The following DIMT1 variants were observed in gnomAD, a reference collection of about 807,000 sequenced individuals.
DIMT1 encodes dimethyladenosine transferase.
DIMT1 carries 36 observed loss-of-function variants against 43.2 expected under a neutral mutation model. The observed-to-expected ratio is 0.83, with a 90% CI of 0.64 to 1.10. DIMT1 has a LOEUF of 1.10. DIMT1 is among the 50% of genes least tolerant of loss of function. The pLI is 0.00. For synonymous variants in DIMT1, 126 were observed against 130.3 expected, an observed-to-expected ratio of 0.97 and a Z score of 0.22; for missense variants, 341 against 385.3, an observed-to-expected ratio of 0.88 and a Z score of 0.96.
chr5:62,390,045 C>T (rs1045424508), intron 11 of DIMT1, among the ~76,000 whole-genome samples: 1 of 152,102 alleles, frequency 6.6e-6, no homozygotes, highest in Non-Finnish European at 1.5e-5. Context: ...ATATAAACTC[C>T]ATTTGTCTTA....
intron 10 of DIMT1, chr5:62,391,431 G>T: frequency 6.3e-6 from 1 of 159,452 alleles, no homozygotes; most frequent in Admixed American, 6.3e-5. Flanking sequence ...TTATCCAAAA[G>T]GATTTTACAC....
In DIMT1 at chr5:62,390,898, T is replaced by C. The variant is rs1019898184; in HGVS notation, c.877A>G (p.Met293Val). The C allele has an allele frequency of 1.9e-6, 3 of 1,612,038 alleles. No individual in the cohort carries two copies. Among genetic ancestry groups the C allele is most frequent in the African/African-American group, 1.3e-5 (1 of 74,980 alleles). The change falls in exon 11 of 12, where the codon ATG becomes GTG. Residue 293 changes from methionine (M) to valine (V), a missense_variant. Transcript: ENST00000199320. ...TACCTGATGAAGTCATCTATGTCCA[T>C]GGAACGGGCCCGTTTGTCACTAAAA... ...TGFSDKRARS[M>V]DIDDFIRLLH... is the part of the protein sequence containing the mutation.
chr5:62,390,259 C>G (rs961485781), intron 11 of DIMT1, among the ~76,000 whole-genome samples: 1 of 152,092 alleles, frequency 6.6e-6, no homozygotes, highest in African/African-American at 2.4e-5. Flanking sequence ...TTAATTGAAG[C>G]CTTATTCTGT....
In DIMT1 at chr5:62,390,939, A is replaced by C. The variant is rs2112033819; in HGVS notation, c.836T>G (p.Ile279Ser). 2.5e-6 allele frequency: 4 copies of C among 1,612,642 alleles called. No homozygotes were observed. The East Asian group carries it at 8.9e-5, about 36-fold the overall frequency. ...GTCACTAAAACCTGTGCTGGTTAGGATTTGCTGTATTTTATCTGCTATGCT... is the reference window on the plus strand; with the variant it reads ...GTCACTAAAACCTGTGCTGGTTAGGCTTTGCTGTATTTTATCTGCTATGCT... ...DFSIADKIQQ[I>S]LTSTGFSDKR... The change falls in exon 11 of 12, where the codon ATC (isoleucine) becomes AGC (serine). Residue 279 changes from isoleucine to serine, a missense_variant. Transcript: ENST00000199320.
At chr5:62,396,096 C>CA (rs1231226399) in intron 6 of DIMT1, among the ~76,000 whole-genome samples, 1 of 137,604 alleles carries the variant, frequency 7.3e-6, no homozygotes. Context: ...TAGTCTATAT[C>CA]AAAAAAACTG....
intron 3 of DIMT1, 65 bp from the exon 4 acceptor site, chr5:62,398,946 C>T (rs1561292746): frequency 3.3e-6 from 4 of 1,217,972 alleles, no homozygotes; most frequent in Non-Finnish European, 3.5e-6. Context: ...ATTGTTATCC[C>T]AACAGGAACT....
chr5:62,403,203 TGC>T (rs1742771137), intron 2 of DIMT1, 68 bp downstream of exon 2: 1 of 1,377,558 alleles, frequency 7.3e-7, no homozygotes, highest in African/African-American at 1.4e-5. Flanking sequence ...GCAGACTTTC[TGC>T]GCTTATGTAT....
At position 62,403,699 on chromosome 5, in the gene DIMT1, G is replaced by A. The variant is rs1475456026; in HGVS notation, c.74C>T (p.Ala25Val). ...RQEQRRELKS[A>V]GGLMFNTGIG... is the part of the protein sequence containing the mutation. ...TTCCTCGCGGGGATCCGCACCTCCA[G>A]CGCTCTTCAGCTCCCGGCGCTGCTC... The change falls in exon 1 of 12, where the codon GCT becomes GTT. Residue 25 changes from alanine (A) to valine (V), a missense_variant. By Grantham distance (64) the Ala-to-Val change is moderately conservative. Transcript: ENST00000199320. 6.2e-7 allele frequency: 1 copy of A among 1,608,288 alleles called. No individual in the cohort carries two copies. Among genetic ancestry groups the A allele is most frequent in the Non-Finnish European group, 8.5e-7 (1 of 1,178,230 alleles).
chr5:62,399,172 A>C (rs1267659880), intron 3 of DIMT1, among the ~76,000 whole-genome samples: 1 of 152,166 alleles, frequency 6.6e-6, no homozygotes, highest in Non-Finnish European at 1.5e-5. Flanking sequence ...TCTACTAAAA[A>C]TACAAAATAT....
intron 2 of DIMT1, among the ~76,000 whole-genome samples, 199 bp from the exon 3 acceptor site, chr5:62,402,321 T>G (rs1742736885): frequency 6.6e-6 from 1 of 152,238 alleles, no homozygotes; most frequent in Admixed American, 6.5e-5. Flanking sequence ...AGACCTCTCC[T>G]AACTTGGAGG....
chr5:62,398,892 AAAAAT>A lies in DIMT1; in HGVS notation c.241-16_241-12del. 1 of 1,587,116 alleles carries A rather than the reference AAAAAT, an allele frequency of 6.3e-7. No homozygotes were observed. The highest frequency in any genetic ancestry group is 8.6e-7 in the Non-Finnish European group (1 of 1,164,726). ...TTCACAAGCAACAACCTAATTTAAA[AAAAAT>A]AAAAATTATTTAGGTTAATTATGGA... On this transcript the variant is annotated splice_polypyrimidine_tract_variant and intron_variant, in intron 3 of 11. Transcript: ENST00000199320.
chr5:62,403,707 C>T lies in DIMT1; in HGVS notation c.66G>A (p.Leu22=). 2 of 1,609,316 alleles carry T rather than the reference C, an allele frequency of 1.2e-6. No homozygotes were observed. Among genetic ancestry groups the T allele is most frequent in the Non-Finnish European group, 1.7e-6 (2 of 1,178,570 alleles). ...GGGGATCCGCACCTCCAGCGCTCTT[C>T]AGCTCCCGGCGCTGCTCCTGCCGCC... ...RRGRQEQRRE[L]KSAGGLMFNT... The change falls in exon 1 of 12, where the codon CTG becomes CTA. Residue 22 remains leucine, a synonymous_variant. Coordinates refer to ENST00000199320, the MANE Select transcript of DIMT1 (RefSeq NM_014473.4).
chr5:62,401,176 G>GCCCT (rs1177785281), intron 3 of DIMT1, among the ~76,000 whole-genome samples: 1 of 152,120 alleles, frequency 6.6e-6, no homozygotes, highest in Non-Finnish European at 1.5e-5. Context: ...CAAAGGGGAG[G>GCCCT]CGTTGGGTAT....
intron 3 of DIMT1, among the ~76,000 whole-genome samples, chr5:62,401,495 CAAA>C (rs563279122): frequency 1.7e-5 from 1 of 60,494 alleles, no homozygotes; most frequent in African/African-American, 6.3e-5. Flanking sequence ...ATTCCCTCTC[CAAA>C]AAAAAAAAAA....
chr5:62,403,156 T>C (rs1742768422), intron 2 of DIMT1, 117 bp downstream of exon 2: 1 of 888,842 alleles, frequency 1.1e-6, no homozygotes, highest in Non-Finnish European at 1.8e-6. Flanking sequence ...ATTTGATTCA[T>C]TCAACAAATA....
intron 1 of DIMT1, 89 bp downstream of exon 1, chr5:62,403,605 T>C (rs1742791133): frequency 1.4e-6 from 2 of 1,456,466 alleles, no homozygotes; most frequent in African/African-American, 2.8e-5. Context: ...GACCGGCCTC[T>C]GCCGATCAGG....
At chr5:62,394,874 C>T (rs1742425147) in intron 6 of DIMT1, among the ~76,000 whole-genome samples, 1 of 152,122 alleles carries the variant, frequency 6.6e-6, no homozygotes. Context: ...ACTAGTCCAT[C>T]ACCTCTTCTA....
Position 62,394,025 on chromosome 5 carries a change from G to T in DIMT1, c.593C>A (p.Pro198Gln), listed in dbSNP as rs772013275. 1.9e-6 allele frequency: 3 copies of T among 1,611,358 alleles called. No individual in the cohort carries two copies. In the South Asian group the frequency reaches 3.3e-5, roughly 18 times the overall value. ...AACACTGGATTCCACCTTGGGCGGT[G>T]GTCTGAAGTTATTCTTTCCCACCTG... Reference protein sequence around the residue: ...LMKVGKNNFRPPPKVESSVVR... With the variant: ...LMKVGKNNFRQPPKVESSVVR... Residue 198 changes from proline to glutamine, a missense_variant, in exon 8 of 12, where the codon CCA becomes CAA. By Grantham distance (76) the Pro-to-Gln change is moderately conservative. Transcript: ENST00000199320.
Position 62,392,916 on chromosome 5 carries a change from T to C in DIMT1, c.728+10A>G. 6.3e-7 allele frequency: 1 copy of C among 1,596,142 alleles called. No homozygotes were observed. The highest frequency in any genetic ancestry group is 1.1e-5 in the South Asian group (1 of 90,538). ...GCCCTTTATACATTAGAAATTAGTG[T>C]AATACTTACTTAAATGCAGCAGAGA... On this transcript the variant is annotated intron_variant, in intron 9 of 11. Transcript: ENST00000199320.
Sources: allele counts gnomAD v4.1 joint callset (sites outside exome capture counted in the v4.1 genomes callset), GRCh38; gene constraint gnomAD v4.1.1; transcripts MANE v1.5; gene names NCBI Gene and HGNC (gene_info 2026-07-23, HGNC 2026-07-21).